ZIK1: variants seen among roughly 807,000 people sequenced by gnomAD.
ZIK1 encodes the protein zinc finger protein interacting with ribonucleoprotein K.
ZIK1 carries 12 observed loss-of-function variants against 10.7 expected under a neutral mutation model. The ratio of observed to expected loss-of-function variants is 1.12; its 90% CI spans 0.72 to 1.81. ZIK1 has a LOEUF of 1.81. Among genes scored for constraint, ZIK1 ranks in the 40% most tolerant of loss-of-function variants. ZIK1 has a pLI of 0.00. For missense variants in ZIK1, 497 were observed against 585.7 expected (o/e 0.85, Z 1.56); for synonymous variants, 190 against 205.0 (o/e 0.93, Z 0.63).
rs1166078849 is a variant in ZIK1 at position 57,590,032 on chromosome 19, A to G, written c.221A>G (p.Asp74Gly). 1.9e-6 allele frequency: 3 copies of G among 1,613,882 alleles called. No individual in the cohort carries two copies. The highest frequency in any genetic ancestry group is 1.7e-6 in the Non-Finnish European group (2 of 1,179,760). The change falls in exon 4 of 4, where the codon GAT becomes GGT. Residue 74 changes from aspartate (D) to glycine (G), a missense_variant. By Grantham distance (94) the Asp-to-Gly change is moderately conservative. Coordinates refer to ENST00000597850, the MANE Select transcript of ZIK1 (RefSeq NM_001010879.4). The stretch of plus-strand genomic sequence containing the variant: ...TCAGGTTGTGGCCATGGAACAGAGG[A>G]TGAAGAGACACCTTCTGACCAGAAT... ...ASLGCGHGTE[D>G]EETPSDQNVS...
In ZIK1 at chr19:57,590,930, C is replaced by T. The variant is rs1218594244; in HGVS notation, c.1119C>T (p.His373=). 10 of 1,612,846 alleles carry T rather than the reference C, an allele frequency of 6.2e-6. No homozygotes were observed. Among genetic ancestry groups the T allele is most frequent in the East Asian group, 4.5e-5 (2 of 44,822 alleles). The change falls in exon 4 of 4, where the codon CAC becomes CAT. Residue 373 remains histidine (H), a synonymous_variant. Coordinates refer to ENST00000597850, the MANE Select transcript of ZIK1 (RefSeq NM_001010879.4). ...SAILNQHRRI[H]TGAKPYECGQ... ...TTCTTAATCAACACCGAAGAATTCA[C>T]ACTGGAGCAAAGCCTTATGAGTGTG...
At chr19:57,589,454 T>G in intron 3 of ZIK1, 1 of 985,430 alleles carries the variant, frequency 1.0e-6, no homozygotes, top group Non-Finnish European at 1.2e-6. Flanking sequence ...CTATGACTTC[T>G]AGCACCTGGC....
Position 57,584,337 on chromosome 19 carries a change from C to G in ZIK1, c.-20C>G, listed in dbSNP as rs762256309. 3.2e-6 allele frequency: 5 copies of G among 1,587,218 alleles called. No homozygotes were observed. Among genetic ancestry groups the G allele is most frequent in the Middle Eastern group, 1.7e-4 (1 of 6,038 alleles). On this transcript the variant is annotated 5_prime_UTR_variant, in exon 1 of 4. Transcript: ENST00000597850. ...GCCCGTAGCTGTCGGGTCCCGGCCC[C>G]GCTCTGCCCACAGACTCCGATGGCT...
chr19:57,590,195 A>G lies in ZIK1; in HGVS notation c.384A>G (p.Glu128=). The change falls in exon 4 of 4, where the codon GAA becomes GAG. Residue 128 remains glutamate, a synonymous_variant. Coordinates refer to ENST00000597850, the MANE Select transcript of ZIK1 (RefSeq NM_001010879.4). The stretch of plus-strand genomic sequence containing the variant: ...GGCAGAAACCATACTTGGTTGGAGA[A>G]TGTACAAACCATCACCAGCACCAGA... ...LPGQKPYLVG[E]CTNHHQHQKH... is the part of the protein sequence containing the mutation. 6.2e-7 allele frequency: 1 copy of G among 1,614,236 alleles called. No individual in the cohort carries two copies. The highest frequency in any genetic ancestry group is 1.1e-5 in the South Asian group (1 of 91,090).
Position 57,584,312 on chromosome 19 carries a change from G to A in ZIK1, c.-45G>A, listed in dbSNP as rs751190256. On this transcript the variant is annotated 5_prime_UTR_variant, in exon 1 of 4. Coordinates refer to ENST00000597850, the MANE Select transcript of ZIK1 (RefSeq NM_001010879.4). ...TTGACGGCTTTGCCTAGGTCCCTCCGCCCGTAGCTGTCGGGTCCCGGCCCC... is the reference window on the plus strand; with the variant it reads ...TTGACGGCTTTGCCTAGGTCCCTCCACCCGTAGCTGTCGGGTCCCGGCCCC... 5.1e-6 allele frequency: 8 copies of A among 1,558,722 alleles called. No homozygotes were observed. In the African/African-American group the frequency reaches 1.1e-4, roughly 21 times the overall value.
intron 3 of ZIK1, chr19:57,589,802 C>A: frequency 2.7e-6 from 2 of 752,640 alleles, no homozygotes; most frequent in Non-Finnish European, 3.2e-6. Context: ...GTCCTTCATC[C>A]CATCCTTGTG....
chr19:57,584,420 C>G (rs1978942853), intron 1 of ZIK1, 31 bp downstream of exon 1: 1 of 1,604,562 alleles, frequency 6.2e-7, no homozygotes, highest in African/African-American at 1.3e-5. Context: ...GCCTCACCCT[C>G]CATCCCCAAA....
chr19:57,585,328 T>A (rs984094282), intron 2 of ZIK1, among the ~76,000 whole-genome samples: 20 of 152,080 alleles, frequency 1.3e-4, no homozygotes, highest in Non-Finnish European at 2.9e-4. Flanking sequence ...AAATTGGGTG[T>A]TTTTTCTGGA....
At chr19:57,588,791 C>A (rs1357492115) in intron 3 of ZIK1, 126 bp downstream of exon 3, 1 of 1,085,624 alleles carries the variant, frequency 9.2e-7, no homozygotes, top group East Asian at 3.1e-5. Context: ...CTAACACCTG[C>A]TGCCCAGTGG....
At position 57,592,232 on chromosome 19, in the gene ZIK1, G is replaced by GC. The variant is rs1979760746; in HGVS notation, c.*959dup. 1 of 152,048 alleles carries GC rather than the reference G, an allele frequency of 6.6e-6. No homozygotes were observed. The allele number at this position is 152,048 out of a possible 1,614,324, so 9.4% of individuals were successfully genotyped here. On this transcript the variant is annotated 3_prime_UTR_variant, in exon 4 of 4. Transcript: ENST00000597850. Reference sequence around the variant, plus strand: ...TGCCCTGATATCAAACATTCCATAGGCCGATGTCACGCAGAAGACAACGCG... The same window carrying GC: ...TGCCCTGATATCAAACATTCCATAGGCCCGATGTCACGCAGAAGACAACGCG...
intron 2 of ZIK1, among the ~76,000 whole-genome samples, chr19:57,585,191 C>T (rs184201210): frequency 9.8e-5 from 15 of 152,286 alleles, no homozygotes; most frequent in East Asian, 9.6e-4. Flanking sequence ...AAGGTTGCCC[C>T]GCCTACGTAC....
At chr19:57,587,969 C>T (rs375348109) in intron 2 of ZIK1, among the ~76,000 whole-genome samples, 7 of 151,970 alleles carry the variant, frequency 4.6e-5, no homozygotes, top group Admixed American at 2.6e-4. Flanking sequence ...GGAGGACGGC[C>T]ATCGGTGTCT....
chr19:57,589,649 A>G (rs1330155039), intron 3 of ZIK1: 4 of 985,414 alleles, frequency 4.1e-6, no homozygotes, highest in East Asian at 1.1e-4. Context: ...GGCACAGTCA[A>G]CCTTCTGCAC....
At chr19:57,589,509 C>T in intron 3 of ZIK1, 4 of 985,434 alleles carry the variant, frequency 4.1e-6, no homozygotes, top group Non-Finnish European at 4.8e-6. Context: ...CTTCTCTGCA[C>T]TGCTCCCTCT....
intron 1 of ZIK1, chr19:57,584,652 G>A (rs11880858): frequency 0.093 from 127,966 of 1,382,314 alleles, 6,582 homozygotes; most frequent in African/African-American, 0.17. Context: ...GCTAGGAGCC[G>A]TGGAGGGTTG....
rs954664340 is a variant in ZIK1, at chr19:57,592,058, G to A, written c.*783G>A. On this transcript the variant is annotated 3_prime_UTR_variant, in exon 4 of 4. Transcript: ENST00000597850. ...GCCTGGATCCCTATTCTTTCTGTGA[G>A]ACTAGAGGTCATCCTGAGGAGAGGC... 2.6e-5 allele frequency: 4 copies of A among 152,172 alleles called. No individual in the cohort carries two copies. The highest frequency in any genetic ancestry group is 4.4e-5 in the Non-Finnish European group (3 of 68,040). The allele number at this position is 152,172 out of a possible 1,614,324, so 9.4% of individuals were successfully genotyped here.
In ZIK1 at chr19:57,591,200, T is replaced by A. The variant is rs1479443955; in HGVS notation, c.1389T>A (p.Tyr463Ter). 1 of 1,614,112 alleles carries A rather than the reference T, an allele frequency of 6.2e-7. No homozygotes were observed. The highest frequency in any genetic ancestry group is 1.3e-5 in the African/African-American group (1 of 74,952). ...TGGTTCACACTGGAGAAAGGCCTTATGAGTGCAACAAATGTGGGAATTCCT... is the reference window on the plus strand; with the variant it reads ...TGGTTCACACTGGAGAAAGGCCTTAAGAGTGCAACAAATGTGGGAATTCCT... ...HQVVHTGERP[Y>*]ECNKCGNSFS... Residue 463 changes from tyrosine to a stop codon, truncating the protein, a stop_gained, in exon 4 of 4, where the codon TAT becomes TAA. Coordinates refer to ENST00000597850, the MANE Select transcript of ZIK1 (RefSeq NM_001010879.4). LOFTEE classifies it low-confidence loss of function (END_TRUNC).
Position 57,590,469 on chromosome 19 carries a change from T to C in ZIK1, c.658T>C (p.Ser220Pro), listed in dbSNP as rs1979570866. ...CAAGTCAGGTGAATGTGGGAAGGCTTCCAGGCACAAACACACTCCTGTTTA... is the reference window on the plus strand; with the variant it reads ...CAAGTCAGGTGAATGTGGGAAGGCTCCCAGGCACAAACACACTCCTGTTTA... ...HYKSGECGKASRHKHTPVYHP... is the reference protein window; with the variant it reads ...HYKSGECGKAPRHKHTPVYHP... Residue 220 changes from serine (S) to proline (P), a missense_variant, in exon 4 of 4, where the codon TCC (serine) becomes CCC (proline). By Grantham distance (74) the Ser-to-Pro change is moderately conservative. Coordinates refer to ENST00000597850, the MANE Select transcript of ZIK1 (RefSeq NM_001010879.4). 3.1e-6 allele frequency: 5 copies of C among 1,614,044 alleles called. No individual in the cohort carries two copies. Among genetic ancestry groups the C allele is most frequent in the Non-Finnish European group, 4.2e-6 (5 of 1,180,032 alleles).
rs896710724 is a variant in ZIK1, at chr19:57,588,409, T to C, written c.73-130T>C. 1.5e-5 allele frequency: 17 copies of C among 1,124,744 alleles called. No individual in the cohort carries two copies. The Admixed American group carries it at 1.7e-4, about 11-fold the overall frequency. 69.7% of individuals were successfully genotyped at this position (1,124,744 alleles called of 1,614,324 possible). On this transcript the variant is annotated intron_variant, in intron 2 of 3. Coordinates refer to ENST00000597850, the MANE Select transcript of ZIK1 (RefSeq NM_001010879.4). ...GTGCTGTAGAAGGATACAGTGATCA[T>C]TGGGACCATGAAAAGAGAGTGGGCA... is the stretch of plus-strand genomic sequence containing the variant.
Sources: gnomAD v4.1 joint callset for allele counts (sites outside exome capture counted in the v4.1 genomes callset) on GRCh38, gnomAD v4.1.1 for gene constraint, MANE v1.5 for transcripts, NCBI Gene and HGNC (gene_info 2026-07-23, HGNC 2026-07-21) for gene names.